The following KAT6A variants were observed in gnomAD, a reference collection of about 807,000 sequenced individuals.
KAT6A encodes the protein lysine acetyltransferase 6A, also known as histone acetyltransferase KAT6A.
KAT6A carries 9 observed loss-of-function variants against 198.4 expected under a neutral mutation model. The ratio of observed to expected loss-of-function variants is 0.05; its 90% CI spans 0.03 to 0.08. The LOEUF (loss-of-function observed/expected upper bound fraction) is 0.08. KAT6A is among the 10% of genes least tolerant of loss of function. The probability of loss-of-function intolerance (pLI) is 1.00; values close to 1 mark genes in which losing one functional copy is unlikely to be tolerated. For synonymous variants in KAT6A, 890 were observed against 883.0 expected, an observed-to-expected ratio of 1.01 and a Z score of -0.14; for missense variants, 2,077 against 2,509.9, an observed-to-expected ratio of 0.83 and a Z score of 3.69.
At chr8:41,986,493 C>G (rs895493744) in intron 3 of KAT6A, among the ~76,000 whole-genome samples, 3 of 152,076 alleles carry the variant, frequency 2.0e-5, no homozygotes, top group African/African-American at 7.2e-5. Context: ...CCAGCAATAA[C>G]TTCAAACTGA....
chr8:42,000,015 C>T (rs190522125), intron 2 of KAT6A, among the ~76,000 whole-genome samples: 1 of 152,308 alleles, frequency 6.6e-6, no homozygotes, highest in African/African-American at 2.4e-5. Context: ...ATTGCCACTT[C>T]TTAACTCAGG....
At chr8:42,001,800 G>C (rs1825506167) in intron 2 of KAT6A, among the ~76,000 whole-genome samples, 1 of 152,172 alleles carries the variant, frequency 6.6e-6, no homozygotes, top group Admixed American at 6.5e-5. Context: ...ACAAGCCTCA[G>C]TTGTCAGCTA....
intron 14 of KAT6A, chr8:41,942,421 C>T (rs1402671819): frequency 1.0e-5 from 3 of 290,890 alleles, no homozygotes; most frequent in East Asian, 1.0e-4. Flanking sequence ...GCTGAGATTA[C>T]AGGCATGAAA....
intron 2 of KAT6A, among the ~76,000 whole-genome samples, chr8:42,019,894 T>C (rs1826446454): frequency 6.6e-6 from 1 of 152,194 alleles, no homozygotes; most frequent in Non-Finnish European, 1.5e-5. Context: ...CAATAGACCT[T>C]AACCCTTTTT....
At chr8:42,026,126 T>C (rs968827702) in intron 2 of KAT6A, among the ~76,000 whole-genome samples, 4 of 152,306 alleles carry the variant, frequency 2.6e-5, no homozygotes, top group African/African-American at 7.2e-5. Flanking sequence ...TCTGTCCCAG[T>C]GGTCTGTCTG....
intron 16 of KAT6A, among the ~76,000 whole-genome samples, chr8:41,936,793 GCT>G: frequency 6.6e-6 from 1 of 152,300 alleles, no homozygotes; most frequent in South Asian, 2.1e-4. Flanking sequence ...ACATGAATCT[GCT>G]CTTTCTGGAG....
At chr8:42,044,468 A>C (rs528303784) in intron 2 of KAT6A, among the ~76,000 whole-genome samples, 1 of 152,142 alleles carries the variant, frequency 6.6e-6, no homozygotes, top group Non-Finnish European at 1.5e-5. Context: ...AGAACACACT[A>C]AAGTTCCAAT....
intron 2 of KAT6A, among the ~76,000 whole-genome samples, chr8:41,993,085 A>G (rs1259201838): frequency 6.6e-6 from 1 of 152,192 alleles, no homozygotes; most frequent in East Asian, 1.9e-4. Context: ...TCCCTGTAAT[A>G]TTACTACTGT....
At chr8:41,975,181 C>A (rs964414676) in intron 7 of KAT6A, among the ~76,000 whole-genome samples, 1 of 152,008 alleles carries the variant, frequency 6.6e-6, no homozygotes, top group Non-Finnish European at 1.5e-5. Flanking sequence ...AATGCATCAA[C>A]GTTCAAAAAA....
intron 2 of KAT6A, among the ~76,000 whole-genome samples, chr8:42,027,137 G>A (rs1424873695): frequency 6.6e-6 from 1 of 152,160 alleles, no homozygotes; most frequent in Non-Finnish European, 1.5e-5. Flanking sequence ...TAATCATGGT[G>A]TGTTATCTTT....
At chr8:41,962,646 A>C (rs895092405) in intron 8 of KAT6A, among the ~76,000 whole-genome samples, 1 of 151,914 alleles carries the variant, frequency 6.6e-6, no homozygotes, top group East Asian at 1.9e-4. Context: ...AAATCCTGTT[A>C]AAACCAAAGT....
chr8:42,036,220 A>T (rs1827371038), intron 2 of KAT6A, among the ~76,000 whole-genome samples: 1 of 152,094 alleles, frequency 6.6e-6, no homozygotes, highest in East Asian at 1.9e-4. Context: ...CAGACTATAC[A>T]CAGACATACA....
chr8:41,941,185 T>G lies in KAT6A; in HGVS notation c.2696A>C (p.Tyr899Ser), dbSNP rs745933378. The part of the protein sequence containing the change: ...EETSSAPQEQ[Y>S]GECGEKSEAT... Reference sequence around the variant, plus strand: ...TTCTGATTTCTCCCCACATTCTCCATATTGTTCCTGAGGAGCTGAAGACGT... The same window carrying G: ...TTCTGATTTCTCCCCACATTCTCCAGATTGTTCCTGAGGAGCTGAAGACGT... The change falls in exon 15 of 17, where the codon TAT (tyrosine) becomes TCT (serine). Residue 899 changes from tyrosine (Y) to serine (S), a missense_variant. Transcript: ENST00000265713. 2 of 1,614,176 alleles carry G rather than the reference T, an allele frequency of 1.2e-6. No homozygotes were observed. Among genetic ancestry groups the G allele is most frequent in the Non-Finnish European group, 1.7e-6 (2 of 1,180,024 alleles).
At position 42,036,553 on chromosome 8, in the gene KAT6A, C is replaced by A. The variant is rs559016544; in HGVS notation, c.600+11825G>T. 6.1e-4 allele frequency among the ~76,000 whole-genome samples: 92 copies of A among 152,062 alleles called. No individual in the cohort carries two copies. In the Middle Eastern group the frequency reaches 0.014, roughly 22 times the overall value. ...GCTTGAACCCAGGAGATGGAGGTTG[C>A]AGTGAGCAGAGATCGCACCACTGCA... On this transcript the variant is annotated intron_variant, in intron 2 of 16. Coordinates refer to ENST00000265713, the MANE Select transcript of KAT6A (RefSeq NM_006766.5).
intron 8 of KAT6A, chr8:41,957,547 G>T: frequency 4.0e-6 from 1 of 250,290 alleles, no homozygotes; most frequent in South Asian, 4.2e-5. Context: ...ATAATCAAGG[G>T]CACAAAATAT....
chr8:41,961,444 T>C (rs1718966574), intron 8 of KAT6A, among the ~76,000 whole-genome samples: 1 of 152,170 alleles, frequency 6.6e-6, no homozygotes, highest in South Asian at 2.1e-4. Flanking sequence ...CTGTTATTCA[T>C]TCCATATTTT....
In KAT6A at chr8:41,937,351, C is replaced by T. The variant is rs1248850744; in HGVS notation, c.3257G>A (p.Arg1086His). 9.9e-6 allele frequency: 16 copies of T among 1,613,894 alleles called. No homozygotes were observed. Among genetic ancestry groups the T allele is most frequent in the Middle Eastern group, 1.7e-4 (1 of 6,060 alleles). ...ENELFPREYF[R>H]RLSSQDVLRC... Reference sequence around the variant, plus strand: ...GAGTACATCCTGCGAAGACAAACGACGGAAGTATTCTCTAGGGAAAAGTTC... The same window carrying T: ...GAGTACATCCTGCGAAGACAAACGATGGAAGTATTCTCTAGGGAAAAGTTC... The change falls in exon 16 of 17, where the codon CGT (arginine) becomes CAT (histidine). Residue 1086 changes from arginine (R) to histidine (H), a missense_variant. This residue lies in a region of KAT6A where 375 missense variants were observed against 383.0 expected (regional missense o/e 0.98). Coordinates refer to ENST00000265713, the MANE Select transcript of KAT6A (RefSeq NM_006766.5).
chr8:42,047,440 C>T (rs1656007183), intron 2 of KAT6A, among the ~76,000 whole-genome samples: 1 of 152,110 alleles, frequency 6.6e-6, no homozygotes, highest in Admixed American at 6.5e-5. Flanking sequence ...GTTTTTAGAA[C>T]AGGGTCTCAG....
At chr8:42,045,196 A>G (rs1278198934) in intron 2 of KAT6A, among the ~76,000 whole-genome samples, 1 of 152,204 alleles carries the variant, frequency 6.6e-6, no homozygotes, top group East Asian at 1.9e-4. Flanking sequence ...TAGTTTTCCA[A>G]TGAGATTAGT....
Sources: allele counts gnomAD v4.1 joint callset (sites outside exome capture counted in the v4.1 genomes callset), GRCh38; gene constraint gnomAD v4.1.1; regional missense constraint gnomAD v4.1.1; transcripts MANE v1.5; gene names NCBI Gene and HGNC (gene_info 2026-07-23, HGNC 2026-07-21).